Variants in ZDHHC23 observed in about 807,000 individuals in gnomAD.
ZDHHC23 encodes the protein zDHHC palmitoyltransferase 23, also known as palmitoyltransferase ZDHHC23.
A neutral mutation model predicts 40.2 loss-of-function variants in ZDHHC23; 41 were observed. The observed-to-expected ratio is 1.02, with a 90% CI of 0.79 to 1.32. ZDHHC23 has a LOEUF of 1.32. Ranked by LOEUF, ZDHHC23 falls within the 40% of genes most tolerant of loss-of-function variation. The pLI is 0.00. For missense variants in ZDHHC23, 471 were observed against 541.5 expected (o/e 0.87, Z 1.29); for synonymous variants, 204 against 210.2 (o/e 0.97, Z 0.26).
In ZDHHC23 at chr3:113,954,101, C is replaced by A. The variant is rs1938945146; in HGVS notation, c.563C>A (p.Ala188Asp). ...LFLILLALHRAKKNPGYLSNP... is the reference protein window; with the variant it reads ...LFLILLALHRDKKNPGYLSNP... Reference sequence around the variant, plus strand: ...CTGATACTCTTAGCCTTGCACAGAGCCAAGAAGAATCCAGGCTACCTCAGC... The same window carrying A: ...CTGATACTCTTAGCCTTGCACAGAGACAAGAAGAATCCAGGCTACCTCAGC... The change falls in exon 3 of 5, where the codon GCC (alanine) becomes GAC (aspartate). Residue 188 changes from alanine to aspartate, a missense_variant. This residue lies in a region of ZDHHC23 where 346 missense variants were observed against 399.8 expected (regional missense o/e 0.87). Transcript: ENST00000638807. The A allele has an allele frequency of 6.2e-7, 1 of 1,614,038 alleles. No individual in the cohort carries two copies. Among genetic ancestry groups the A allele is most frequent in the African/African-American group, 1.3e-5 (1 of 74,914 alleles).
Position 113,954,345 on chromosome 3 carries a change from A to C in ZDHHC23, c.807A>C (p.Pro269=). The C allele has an allele frequency of 6.2e-7, 1 of 1,613,656 alleles. No individual in the cohort carries two copies. The highest frequency in any genetic ancestry group is 8.5e-7 in the Non-Finnish European group (1 of 1,179,686). Residue 269 remains proline, a synonymous_variant, in exon 3 of 5, where the codon CCA becomes CCC. Transcript: ENST00000638807. The stretch of plus-strand genomic sequence containing the variant: ...GTGCCAAGTGCCAGCTGGTGCGACC[A>C]GCCCGGGCATGGCACTGCCGGATAT... ...DWCAKCQLVR[P]ARAWHCRICG...
Position 113,954,328 on chromosome 3 carries a change from T to C in ZDHHC23, c.790T>C (p.Cys264Arg). The C allele has an allele frequency of 6.2e-7, 1 of 1,614,082 alleles. No individual in the cohort carries two copies. The highest frequency in any genetic ancestry group is 8.5e-7 in the Non-Finnish European group (1 of 1,179,936). Residue 264 changes from cysteine (C) to arginine (R), a missense_variant, in exon 3 of 5, where the codon TGC becomes CGC. Around this residue, in one of 3 missense-constraint regions of ZDHHC23, gnomAD observed 346 missense variants for 399.8 expected, o/e 0.87. Transcript: ENST00000638807. ...AGCGAAGGAGGACTGGTGTGCCAAG[T>C]GCCAGCTGGTGCGACCAGCCCGGGC... ...TKAKEDWCAK[C>R]QLVRPARAWH...
intron 2 of ZDHHC23, among the ~76,000 whole-genome samples, chr3:113,951,418 C>T (rs545964845): frequency 6.6e-6 from 1 of 152,348 alleles, no homozygotes; most frequent in African/African-American, 2.4e-5. Flanking sequence ...CCTGTGGATG[C>T]CACCAAGATT....
In ZDHHC23 at chr3:113,959,593, C is replaced by CT; in HGVS notation, c.*967dup. The stretch of plus-strand genomic sequence containing the variant: ...CACTCCTGTGGGGATGCTTTACTCT[C>CT]TTTTCTGGTAGGAAGGCTGAGTAAC... On this transcript the variant is annotated 3_prime_UTR_variant, in exon 5 of 5. Coordinates refer to ENST00000638807, the MANE Select transcript of ZDHHC23 (RefSeq NM_001320466.2). The CT allele has an allele frequency of 4.1e-6, 5 of 1,215,400 alleles. No homozygotes were observed. Among genetic ancestry groups the CT allele is most frequent in the Non-Finnish European group, 5.3e-6 (5 of 934,582 alleles). 75.3% of individuals were successfully genotyped at this position (1,215,400 alleles called of 1,614,324 possible). A position where few individuals can be genotyped will look rare whatever the true frequency, so the allele number is the denominator to read the frequency against.
chr3:113,957,415 A>T (rs1202049430), intron 4 of ZDHHC23, among the ~76,000 whole-genome samples: 1 of 152,176 alleles, frequency 6.6e-6, no homozygotes, highest in Non-Finnish European at 1.5e-5. Flanking sequence ...TCTTCCTCAG[A>T]TTAAGTTTCC....
the ZDHHC23 span, among the ~76,000 whole-genome samples, chr3:113,975,786 G>A: frequency 3.3e-4 from 50 of 152,142 alleles, no homozygotes; most frequent in African/African-American, 1.1e-3. Context: ...CATTATAGGA[G>A]GCCAGTGGGG....
chr3:113,956,848 A>G (rs140653407), intron 4 of ZDHHC23, among the ~76,000 whole-genome samples: 11 of 152,370 alleles, frequency 7.2e-5, no homozygotes, highest in African/African-American at 2.6e-4. Context: ...GCCCCAGGGC[A>G]CATATGTGCC....
chr3:113,978,688 A>G, the ZDHHC23 span: 1 of 739,362 alleles, frequency 1.4e-6, no homozygotes, highest in Non-Finnish European at 2.2e-6. Context: ...TTACACTAAT[A>G]AAACACTGAT....
chr3:113,963,507 T>TGAG (rs376251392), downstream of ZDHHC23: 330 of 140,508 alleles, frequency 2.3e-3, 3 homozygotes, highest in African/African-American at 8.5e-3. Flanking sequence ...TTTGGGAGGC[T>TGAG]GAGAGGATCA....
At chr3:113,969,495 A>C (rs1235172324), downstream of ZDHHC23, among the ~76,000 whole-genome samples, 3 of 152,204 alleles carry the variant, frequency 2.0e-5, no homozygotes, top group Non-Finnish European at 4.4e-5. Context: ...TTAGATTTAA[A>C]TCTGTAACCC....
chr3:113,979,369 A>C, the ZDHHC23 span, among the ~76,000 whole-genome samples: 11 of 152,246 alleles, frequency 7.2e-5, no homozygotes, highest in African/African-American at 2.4e-4. Flanking sequence ...ACTCCACAAC[A>C]AACCTCTCTT....
chr3:113,955,233 A>G (rs1352190338), intron 3 of ZDHHC23, among the ~76,000 whole-genome samples: 1 of 152,204 alleles, frequency 6.6e-6, no homozygotes, highest in East Asian at 1.9e-4. Context: ...GAAAAGGCTG[A>G]GAGGCATTGG....
chr3:113,956,476 T>C lies in ZDHHC23; in HGVS notation c.1010T>C (p.Phe337Ser). Residue 337 changes from phenylalanine to serine, a missense_variant, in exon 4 of 5, where the codon TTC (phenylalanine) becomes TCC (serine). Transcript: ENST00000638807. Reference protein sequence around the residue: ...CRDRSVFTALFYCPGVYANYS... With the variant: ...CRDRSVFTALSYCPGVYANYS... ...GACAGAAGTGTCTTCACAGCTCTTT[T>C]CTATTGTCCTGGAGTTTATGCAAAT... 1 of 1,614,136 alleles carries C rather than the reference T, an allele frequency of 6.2e-7. No individual in the cohort carries two copies. Among genetic ancestry groups the C allele is most frequent in the Non-Finnish European group, 8.5e-7 (1 of 1,180,016 alleles).
Position 113,960,789 on chromosome 3 carries a change from T to A in ZDHHC23, c.*2159T>A. ...AGGGACTCTGTGTATTATTCAGGTT[T>A]ATTGGCACGAAGATACTTGTTTTAA... On this transcript the variant is annotated 3_prime_UTR_variant, in exon 5 of 5. Transcript: ENST00000638807. The A allele has an allele frequency of 6.6e-7, 1 of 1,506,238 alleles. No individual in the cohort carries two copies. Among genetic ancestry groups the A allele is most frequent in the Non-Finnish European group, 8.8e-7 (1 of 1,136,306 alleles). 93.3% of individuals were successfully genotyped at this position (1,506,238 alleles called of 1,614,324 possible).
intron 4 of ZDHHC23, among the ~76,000 whole-genome samples, chr3:113,957,375 A>C (rs1197041246): frequency 6.6e-6 from 1 of 152,186 alleles, no homozygotes; most frequent in Non-Finnish European, 1.5e-5. Flanking sequence ...CTAGAACCAG[A>C]CACCTGTGGG....
chr3:113,975,513 GTTA>G, the ZDHHC23 span, among the ~76,000 whole-genome samples: 1 of 152,242 alleles, frequency 6.6e-6, no homozygotes, highest in African/African-American at 2.4e-5. Context: ...TATTTACTGT[GTTA>G]CCTATGTACT....
chr3:113,977,034 A>C, the ZDHHC23 span, among the ~76,000 whole-genome samples: 1 of 152,192 alleles, frequency 6.6e-6, no homozygotes, highest in Non-Finnish European at 1.5e-5. Flanking sequence ...TGGCAATAAG[A>C]TAGGAACACT....
At chr3:113,967,099 C>CAAAAAAAG (rs55673182), downstream of ZDHHC23, among the ~76,000 whole-genome samples, 10 of 150,336 alleles carry the variant, frequency 6.7e-5, no homozygotes, top group South Asian at 1.1e-3. Flanking sequence ...ACTCTTGTCT[C>CAAAAAAAG]AAAAAAAGAA....
At chr3:113,968,075 A>G (rs1418388966), downstream of ZDHHC23, among the ~76,000 whole-genome samples, 1 of 152,200 alleles carries the variant, frequency 6.6e-6, no homozygotes, top group Non-Finnish European at 1.5e-5. Flanking sequence ...GGCTATTGTG[A>G]ACAGTGCTGT....
Sources: gnomAD v4.1 joint callset for allele counts (sites outside exome capture counted in the v4.1 genomes callset) on GRCh38, gnomAD v4.1.1 for gene constraint, gnomAD v4.1.1 regional missense constraint, MANE v1.5 for transcripts, NCBI Gene and HGNC (gene_info 2026-07-23, HGNC 2026-07-21) for gene names.